The following GPC5 variants were observed in gnomAD, a reference collection of about 807,000 sequenced individuals.
GPC5 encodes the protein glypican 5.
In GPC5, 47 loss-of-function variants were observed where a neutral mutation model predicts 53.9. The ratio of observed to expected loss-of-function variants is 0.87; its 90% CI spans 0.69 to 1.11. The LOEUF is 1.11. Ranked by LOEUF, GPC5 falls within the 50% of genes most tolerant of loss-of-function variation. The pLI, the probability that GPC5 is intolerant of heterozygous loss-of-function variation, is 0.00. For synonymous variants in GPC5, 286 were observed against 263.3 expected (o/e 1.09, Z -0.84); for missense variants, 748 against 713.1 (o/e 1.05, Z -0.56).
At chr13:92,845,850 C>A (rs975295651) in intron 7 of GPC5, among the ~76,000 whole-genome samples, 4 of 151,354 alleles carry the variant, frequency 2.6e-5, no homozygotes, top group Non-Finnish European at 5.9e-5. Context: ...TTGTAGCCTA[C>A]ATCATAAATA....
chr13:91,431,173 C>T (rs535653012), intron 1 of GPC5, among the ~76,000 whole-genome samples: 1 of 152,254 alleles, frequency 6.6e-6, no homozygotes, highest in African/African-American at 2.4e-5. Context: ...GCCACTGTGC[C>T]CAGCCTACAG....
At chr13:92,439,483 G>T (rs933257537) in intron 7 of GPC5, among the ~76,000 whole-genome samples, 3 of 152,018 alleles carry the variant, frequency 2.0e-5, no homozygotes, top group Admixed American at 6.6e-5. Flanking sequence ...TATTCTCTGG[G>T]TGTCAATTTC....
chr13:91,694,606 G>T (rs1186721973), intron 3 of GPC5, among the ~76,000 whole-genome samples: 2 of 152,184 alleles, frequency 1.3e-5, no homozygotes, highest in East Asian at 3.9e-4. Context: ...ATATTCACTG[G>T]CTCCCTTAGT....
intron 7 of GPC5, among the ~76,000 whole-genome samples, chr13:92,833,109 G>T (rs1180889546): frequency 1.3e-5 from 2 of 152,174 alleles, no homozygotes; most frequent in African/African-American, 4.8e-5. Flanking sequence ...AGCTGGGTTT[G>T]AGTTAATATA....
chr13:92,123,372 G>T (rs2041666980), intron 6 of GPC5, among the ~76,000 whole-genome samples: 4 of 152,112 alleles, frequency 2.6e-5, no homozygotes, highest in Non-Finnish European at 5.9e-5. Flanking sequence ...ATTTATAACA[G>T]GAGTACTTCC....
rs144281506 is a variant in GPC5 at position 92,344,136 on chromosome 13, C to T, written c.1561+199147C>T. ...TTATAAAGAAAAGAGGTTTAATTGACTCACAGTTCCACATGACTGGGAAAG... is the reference window on the plus strand; with the variant it reads ...TTATAAAGAAAAGAGGTTTAATTGATTCACAGTTCCACATGACTGGGAAAG... On this transcript the variant is annotated intron_variant, in intron 7 of 7. Transcript: ENST00000377067. Among the ~76,000 whole-genome samples the T allele has an allele frequency of 4.3e-3, 660 of 152,156 alleles. 2 individuals are homozygous for T. The highest frequency in any genetic ancestry group is 6.8e-3 in the Middle Eastern group (2 of 294).
chr13:91,803,930 TAGAG>T (rs1356291882), intron 5 of GPC5, among the ~76,000 whole-genome samples: 3 of 150,604 alleles, frequency 2.0e-5, no homozygotes, highest in African/African-American at 7.3e-5. Flanking sequence ...ATTAGAAAAA[TAGAG>T]AGAAAGGCAA....
chr13:92,545,043 A>G (rs538643119), intron 7 of GPC5, among the ~76,000 whole-genome samples: 15 of 151,994 alleles, frequency 9.9e-5, no homozygotes, highest in African/African-American at 3.6e-4. Flanking sequence ...AGCATTAGGT[A>G]TATCTCCTAA....
At chr13:91,833,038 G>A (rs1420942783) in intron 5 of GPC5, among the ~76,000 whole-genome samples, 2 of 151,948 alleles carry the variant, frequency 1.3e-5, no homozygotes, top group African/African-American at 4.8e-5. Flanking sequence ...TCAAATAGAT[G>A]CAATAAAAAA....
intron 7 of GPC5, among the ~76,000 whole-genome samples, chr13:92,663,118 G>A (rs1458923160): frequency 6.6e-6 from 1 of 152,078 alleles, no homozygotes; most frequent in Non-Finnish European, 1.5e-5. Flanking sequence ...GTGAGATGAG[G>A]AAAGAATAAA....
chr13:91,985,396 A>T (rs1223824742), intron 6 of GPC5, among the ~76,000 whole-genome samples: 1 of 149,710 alleles, frequency 6.7e-6, no homozygotes, highest in African/African-American at 2.5e-5. Flanking sequence ...CTAGTGTGAC[A>T]ATCTTTGCCT....
chr13:91,920,930 T>C (rs1185975010), intron 6 of GPC5, among the ~76,000 whole-genome samples: 3 of 117,596 alleles, frequency 2.6e-5, no homozygotes, highest in African/African-American at 3.8e-5. Context: ...CTCTCTCTTT[T>C]TTTTTTTTTT....
chr13:91,597,316 T>C (rs575823581), intron 2 of GPC5, among the ~76,000 whole-genome samples: 1 of 152,344 alleles, frequency 6.6e-6, no homozygotes, highest in South Asian at 2.1e-4. Context: ...TTTATCAAAA[T>C]TAATTCCCTC....
chr13:92,254,478 G>C (rs2139132893), intron 7 of GPC5, among the ~76,000 whole-genome samples: 1 of 152,228 alleles, frequency 6.6e-6, no homozygotes, highest in East Asian at 1.9e-4. Context: ...CAGAAAAATA[G>C]AAAGGAATTG....
chr13:92,004,246 A>ACCAT (rs2040582821), intron 6 of GPC5, among the ~76,000 whole-genome samples: 1 of 151,524 alleles, frequency 6.6e-6, no homozygotes, highest in African/African-American at 2.4e-5. Context: ...AGAGATGGAG[A>ACCAT]CCATCCTGGC....
At chr13:92,047,432 A>G (rs1176702572) in intron 6 of GPC5, among the ~76,000 whole-genome samples, 1 of 95,134 alleles carries the variant, frequency 1.1e-5, no homozygotes, top group Admixed American at 1.2e-4. Flanking sequence ...TTTTTAAACT[A>G]TATATATATA....
intron 7 of GPC5, among the ~76,000 whole-genome samples, chr13:92,481,165 A>G (rs1212802362): frequency 6.6e-6 from 1 of 150,966 alleles, no homozygotes; most frequent in Non-Finnish European, 1.5e-5. Flanking sequence ...CAGTGGTGTG[A>G]TCTCTGCTTA....
At chr13:91,983,698 T>C (rs773681128) in intron 6 of GPC5, among the ~76,000 whole-genome samples, 6 of 152,184 alleles carry the variant, frequency 3.9e-5, no homozygotes, top group Non-Finnish European at 8.8e-5. Context: ...ATTTGTAGCT[T>C]GGTCAAATAG....
chr13:92,285,972 A>G (rs185230169), intron 7 of GPC5, among the ~76,000 whole-genome samples: 1,771 of 152,258 alleles, frequency 0.012, 39 homozygotes, highest in African/African-American at 0.041. Flanking sequence ...AGAATGGGAG[A>G]AAATTTTTGC....
Sources: gnomAD v4.1 joint callset for allele counts (sites outside exome capture counted in the v4.1 genomes callset) on GRCh38, gnomAD v4.1.1 for gene constraint, MANE v1.5 for transcripts, NCBI Gene and HGNC (gene_info 2026-07-23, HGNC 2026-07-21) for gene names.